Variants in CRKL observed in about 807,000 individuals in gnomAD.
CRKL encodes the protein crk-like protein.
CRKL carries 3 observed loss-of-function variants against 23.0 expected under a neutral mutation model. The ratio of observed to expected loss-of-function variants is 0.13; its 90% CI spans 0.06 to 0.34. The LOEUF is 0.34. Among genes scored for constraint, CRKL ranks in the 10% least tolerant of loss-of-function variants. The probability of loss-of-function intolerance (pLI) is 1.00; values close to 1 mark genes in which losing one functional copy is unlikely to be tolerated. For synonymous variants in CRKL, 188 were observed against 160.7 expected (o/e 1.17, Z -1.28); for missense variants, 256 against 394.5 (o/e 0.65, Z 2.97).
intron 2 of CRKL, among the ~76,000 whole-genome samples, chr22:20,949,070 G>C (rs1305604009): frequency 3.3e-5 from 5 of 152,106 alleles, no homozygotes; most frequent in Non-Finnish European, 7.4e-5. Context: ...ATAGAAGGTT[G>C]GTGTGGGGTG....
chr22:20,940,138 C>G (rs572324890), intron 2 of CRKL, among the ~76,000 whole-genome samples: 31 of 152,270 alleles, frequency 2.0e-4, no homozygotes, highest in African/African-American at 7.5e-4. Context: ...ATTCATTACC[C>G]TCCAGTTTCC....
intron 2 of CRKL, among the ~76,000 whole-genome samples, chr22:20,948,828 A>G (rs2147917498): frequency 6.6e-6 from 1 of 152,278 alleles, no homozygotes; most frequent in East Asian, 1.9e-4. Flanking sequence ...ACAAAAGCTT[A>G]TTTCTTATTG....
chr22:20,943,938 A>G (rs747938949), intron 2 of CRKL, among the ~76,000 whole-genome samples: 6 of 152,066 alleles, frequency 3.9e-5, no homozygotes, highest in Non-Finnish European at 7.4e-5. Context: ...GTTGATTACT[A>G]TAGCTTTTTG....
chr22:20,929,321 C>T lies in CRKL; in HGVS notation c.312-4458C>T, dbSNP rs186297156. 6.7e-3 allele frequency among the ~76,000 whole-genome samples: 1,019 copies of T among 151,320 alleles called. 16 individuals carry two copies. Among genetic ancestry groups the T allele is most frequent in the African/African-American group, 0.024 (979 of 41,178 alleles). On this transcript the variant is annotated intron_variant, in intron 1 of 2. Transcript: ENST00000354336. ...CTGGGACTACAGGCGCCTGCCACCA[C>T]GCTCAGCTAATTTTTTTGTATTTTT...
intron 2 of CRKL, among the ~76,000 whole-genome samples, chr22:20,948,827 T>A (rs1922164300): frequency 6.6e-6 from 1 of 152,206 alleles, no homozygotes; most frequent in Non-Finnish European, 1.5e-5. Flanking sequence ...GACAAAAGCT[T>A]ATTTCTTATT....
intron 2 of CRKL, among the ~76,000 whole-genome samples, chr22:20,946,259 C>A (rs1033682462): frequency 3.3e-5 from 5 of 152,108 alleles, no homozygotes. Flanking sequence ...GAATCAAGTG[C>A]CAGATGCCAG....
intron 2 of CRKL, among the ~76,000 whole-genome samples, chr22:20,947,091 A>C (rs1293001430): frequency 6.6e-6 from 1 of 152,218 alleles, no homozygotes; most frequent in African/African-American, 2.4e-5. Flanking sequence ...TCTCTCAGCC[A>C]TTCTCTTCCT....
chr22:20,933,845 A>T lies in CRKL; in HGVS notation c.378A>T (p.Glu126Asp), dbSNP rs1355929490. 3 of 1,614,168 alleles carry T rather than the reference A, an allele frequency of 1.9e-6. No individual in the cohort carries two copies. Among genetic ancestry groups the T allele is most frequent in the Non-Finnish European group, 2.5e-6 (3 of 1,180,024 alleles). ...TGCCTACAGCAGAAGATAACCTGGA[A>T]TATGTACGGACTCTGTATGATTTTC... ...PNLPTAEDNL[E>D]YVRTLYDFPG... The change falls in exon 2 of 3, where the codon GAA becomes GAT. Residue 126 changes from glutamate to aspartate, a missense_variant. Around this residue, in one of 3 missense-constraint regions of CRKL, gnomAD observed 42 missense variants for 32.7 expected, o/e 1.29. Coordinates refer to ENST00000354336, the MANE Select transcript of CRKL (RefSeq NM_005207.4).
intron 1 of CRKL, among the ~76,000 whole-genome samples, chr22:20,920,089 A>T (rs1401670922): frequency 6.6e-6 from 1 of 152,200 alleles, no homozygotes; most frequent in East Asian, 1.9e-4. Flanking sequence ...TTGTAATATG[A>T]CTGAATAAAT....
intron 1 of CRKL, among the ~76,000 whole-genome samples, chr22:20,920,284 C>G (rs1474289141): frequency 6.6e-6 from 1 of 152,034 alleles, no homozygotes; most frequent in Non-Finnish European, 1.5e-5. Flanking sequence ...GGGCGAATCA[C>G]GAGGTCAGGA....
chr22:20,933,668 A>G, intron 1 of CRKL, 111 bp from the exon 2 acceptor site: 1 of 967,540 alleles, frequency 1.0e-6, no homozygotes, highest in Non-Finnish European at 1.5e-6. Context: ...AACTTGTCTC[A>G]TAAAAAAGGA....
At chr22:20,933,221 T>A (rs1921519937) in intron 1 of CRKL, among the ~76,000 whole-genome samples, 1 of 149,966 alleles carries the variant, frequency 6.7e-6, no homozygotes, top group South Asian at 2.1e-4. Flanking sequence ...ATAGAAAAAA[T>A]TAGCGGGGCG....
chr22:20,941,316 TC>T, intron 2 of CRKL, among the ~76,000 whole-genome samples: 1 of 151,852 alleles, frequency 6.6e-6, no homozygotes, highest in East Asian at 1.9e-4. Context: ...GGACCTTTCA[TC>T]AGGACTGACC....
Position 20,950,334 on chromosome 22 carries a change from T to TA in CRKL, c.*489_*490insA, listed in dbSNP as rs1922222645. 1 of 233,220 alleles carries TA rather than the reference T, an allele frequency of 4.3e-6. No individual in the cohort carries two copies. Among genetic ancestry groups the TA allele is most frequent in the African/African-American group, 2.2e-5 (1 of 45,188 alleles). The allele number at this position is 233,220 out of a possible 1,614,324, so 14.4% of individuals were successfully genotyped here. A position where few individuals can be genotyped will look rare whatever the true frequency, so the allele number is the denominator to read the frequency against. On this transcript the variant is annotated 3_prime_UTR_variant, in exon 3 of 3. Coordinates refer to ENST00000354336, the MANE Select transcript of CRKL (RefSeq NM_005207.4). ...CTAAAACTCCAAAATCTGGCTTTTTTTTTTCTTTTGTTTTGGTTTGGTTTT... is the reference window on the plus strand; with the variant it reads ...CTAAAACTCCAAAATCTGGCTTTTTTATTTTCTTTTGTTTTGGTTTGGTTTT...
rs183631713 is a variant in CRKL at position 20,938,123 on chromosome 22, A to C, written c.777+3879A>C. 1.0e-3 allele frequency among the ~76,000 whole-genome samples: 154 copies of C among 152,296 alleles called. 1 individual carries two copies. The highest frequency in any genetic ancestry group is 1.9e-3 in the Non-Finnish European group (128 of 68,020). On this transcript the variant is annotated intron_variant, in intron 2 of 2. Coordinates refer to ENST00000354336, the MANE Select transcript of CRKL (RefSeq NM_005207.4). ...AATTAGGTTACTAGGAAAAGTATTA[A>C]AATTAAAATGAGAAACAGACAAGTA...
At chr22:20,932,039 C>G (rs1275232408) in intron 1 of CRKL, among the ~76,000 whole-genome samples, 1 of 151,850 alleles carries the variant, frequency 6.6e-6, no homozygotes, top group Non-Finnish European at 1.5e-5. Flanking sequence ...TCTCGATCTC[C>G]TGACCTCATG....
chr22:20,950,037 G>T lies in CRKL; in HGVS notation c.*192G>T. 1.5e-6 allele frequency: 1 copy of T among 663,358 alleles called. No individual in the cohort carries two copies. The highest frequency in any genetic ancestry group is 2.4e-6 in the Non-Finnish European group (1 of 418,636). The allele number at this position is 663,358 out of a possible 1,614,324, so 41.1% of individuals were successfully genotyped here. The stretch of plus-strand genomic sequence containing the variant: ...CTGATGTTTGTATCATAGTCGTATT[G>T]TCAAAGAGTAGCCGATTTTAGAGTT... On this transcript the variant is annotated 3_prime_UTR_variant, in exon 3 of 3. Coordinates refer to ENST00000354336, the MANE Select transcript of CRKL (RefSeq NM_005207.4).
At chr22:20,927,139 A>AAAAAAAG (rs1337708838) in intron 1 of CRKL, among the ~76,000 whole-genome samples, 3 of 139,850 alleles carry the variant, frequency 2.1e-5, no homozygotes, top group African/African-American at 5.3e-5. Flanking sequence ...AAAAAAAAGA[A>AAAAAAAG]TGGTGGTTAA....
intron 2 of CRKL, among the ~76,000 whole-genome samples, chr22:20,944,427 CAG>C (rs1370275162): frequency 1.2e-4 from 18 of 152,054 alleles, no homozygotes; most frequent in African/African-American, 4.1e-4. Flanking sequence ...TTTGTTTAGA[CAG>C]AGTCTTGGCT....
Sources: gnomAD v4.1 joint callset for allele counts (sites outside exome capture counted in the v4.1 genomes callset) on GRCh38, gnomAD v4.1.1 for gene constraint, gnomAD v4.1.1 regional missense constraint, MANE v1.5 for transcripts, NCBI Gene and HGNC (gene_info 2026-07-23, HGNC 2026-07-21) for gene names.